FRMPD2: variants seen among roughly 807,000 people sequenced by gnomAD.
FRMPD2 encodes FERM and PDZ domain containing 2, also known as FERM and PDZ domain-containing protein 2.
FRMPD2 carries 96 observed loss-of-function variants against 140.1 expected under a neutral mutation model. The ratio of observed to expected loss-of-function variants is 0.69; its 90% CI spans 0.58 to 0.81. The LOEUF (loss-of-function observed/expected upper bound fraction) is 0.81. Among genes scored for constraint, FRMPD2 ranks in the 40% least tolerant of loss-of-function variants. FRMPD2 has a pLI of 0.00. For synonymous variants in FRMPD2, 449 were observed against 547.6 expected, an observed-to-expected ratio of 0.82 and a Z score of 2.52; for missense variants, 1,240 against 1,447.4, an observed-to-expected ratio of 0.86 and a Z score of 2.32.
chr10:48,188,250 C>A (rs1429289787), intron 16 of FRMPD2, among the ~76,000 whole-genome samples: 1 of 152,200 alleles, frequency 6.6e-6, no homozygotes, highest in African/African-American at 2.4e-5. Flanking sequence ...GGATCCACCC[C>A]CTGTACCCTT....
rs546651635 is a variant in FRMPD2, at chr10:48,219,012, G to A, written c.1455+3301C>T. Among the ~76,000 whole-genome samples, 15 of 152,260 alleles carry A rather than the reference G, an allele frequency of 9.9e-5. No homozygotes were observed. In the East Asian group the frequency reaches 2.3e-3, roughly 23 times the overall value. On this transcript the variant is annotated intron_variant, in intron 12 of 28. Coordinates refer to ENST00000374201, the MANE Select transcript of FRMPD2 (RefSeq NM_001018071.4). ...GCTGGCCAAAGGTATGGGAGGATGC[G>A]AAAAAGTATCCAGAGGGTCCACTTG...
intron 28 of FRMPD2, among the ~76,000 whole-genome samples, chr10:48,159,569 T>C (rs1837878511): frequency 1.3e-5 from 2 of 152,042 alleles, no homozygotes; most frequent in African/African-American, 4.8e-5. Flanking sequence ...GCCCCTGCAG[T>C]TGAGTGAGAT....
intron 28 of FRMPD2, among the ~76,000 whole-genome samples, chr10:48,159,494 C>A: frequency 6.6e-6 from 1 of 151,736 alleles, no homozygotes; most frequent in East Asian, 1.9e-4. Flanking sequence ...CAAGAGCAGG[C>A]ATGACATCTC....
chr10:48,186,492 A>G (rs1407199799), intron 17 of FRMPD2, among the ~76,000 whole-genome samples: 2 of 152,208 alleles, frequency 1.3e-5, no homozygotes, highest in Non-Finnish European at 2.9e-5. Flanking sequence ...TTCTCGTGAT[A>G]GTGAATAAGT....
chr10:48,171,626 G>A (rs1431403729), intron 25 of FRMPD2, among the ~76,000 whole-genome samples: 2 of 152,152 alleles, frequency 1.3e-5, no homozygotes, highest in Non-Finnish European at 2.9e-5. Flanking sequence ...TTCTTCTTAC[G>A]AACTAAGCTT....
intron 1 of FRMPD2, among the ~76,000 whole-genome samples, chr10:48,257,191 T>A (rs868044052): frequency 6.6e-6 from 1 of 152,014 alleles, no homozygotes; most frequent in Non-Finnish European, 1.5e-5. Context: ...TCTTTTTTTT[T>A]TTTTCTGCCT....
chr10:48,190,864 C>T (rs116354816), intron 16 of FRMPD2, among the ~76,000 whole-genome samples: 1,768 of 152,318 alleles, frequency 0.012, 29 homozygotes, highest in African/African-American at 0.038. Context: ...CCACCATTCT[C>T]AGAAAGGATG....
intron 8 of FRMPD2, 81 bp from the exon 9 acceptor site, chr10:48,236,634 T>G: frequency 7.8e-7 from 1 of 1,277,436 alleles, no homozygotes; most frequent in Non-Finnish European, 1.1e-6. Flanking sequence ...GATGCACCTC[T>G]GCAGCCCCCA....
rs758388371 is a variant in FRMPD2, at chr10:48,222,359, A to G, written c.1409T>C (p.Leu470Pro). 54 of 1,614,188 alleles carry G rather than the reference A, an allele frequency of 3.3e-5. No homozygotes were observed. Among genetic ancestry groups the G allele is most frequent in the Non-Finnish European group, 4.5e-5 (53 of 1,180,008 alleles). ...CTCAGCCTGCAAGGCAAGGACCCCC[A>G]GCTGCAGCAGTATCTCTTCATTGCA... Reference protein sequence around the residue: ...LYCNEEILLQLGVLALQAEFG... With the variant: ...LYCNEEILLQPGVLALQAEFG... The change falls in exon 12 of 29, where the codon CTG becomes CCG. Residue 470 changes from leucine to proline, a missense_variant. Physicochemically the swap from Leu to Pro is moderately conservative, Grantham distance 98. This residue lies in a region of FRMPD2 where 1,161 missense variants were observed against 1,055.9 expected (regional missense o/e 1.10). Coordinates refer to ENST00000374201, the MANE Select transcript of FRMPD2 (RefSeq NM_001018071.4).
In FRMPD2 at chr10:48,184,681, T is replaced by C. The variant is rs1212357816; in HGVS notation, c.2469A>G (p.Gly823=). The C allele has an allele frequency of 1.2e-6, 2 of 1,609,524 alleles. No homozygotes were observed. The highest frequency in any genetic ancestry group is 4.5e-5 in the East Asian group (2 of 44,842). ...PAEKAKTIKP[G]GQILALNHIS... ...TGTGATTCAGGGCTAGTATCTGCCC[T>C]CCTAGAAAAATAAAACATCTCAATA... Residue 823 remains glycine, a splice_region_variant and synonymous_variant, in exon 20 of 29, where the codon GGA becomes GGG. Transcript: ENST00000374201.
intron 28 of FRMPD2, among the ~76,000 whole-genome samples, chr10:48,160,030 A>G: frequency 6.6e-6 from 1 of 151,434 alleles, no homozygotes; most frequent in Admixed American, 6.6e-5. Flanking sequence ...TCCCACACCA[A>G]GGGGCAAATA....
At chr10:48,223,496 C>A (rs1839657184) in intron 10 of FRMPD2, among the ~76,000 whole-genome samples, 1 of 152,160 alleles carries the variant, frequency 6.6e-6, no homozygotes, top group South Asian at 2.1e-4. Flanking sequence ...AAACTCAACA[C>A]CAAGAGGAGA....
chr10:48,221,370 A>G (rs1405639580), intron 12 of FRMPD2, among the ~76,000 whole-genome samples: 1 of 152,202 alleles, frequency 6.6e-6, no homozygotes, highest in Admixed American at 6.5e-5. Context: ...CTCACTCATA[A>G]GTGCGAGCTA....
At chr10:48,244,504 T>A (rs1049303056) in intron 4 of FRMPD2, among the ~76,000 whole-genome samples, 3 of 152,232 alleles carry the variant, frequency 2.0e-5, no homozygotes, top group Non-Finnish European at 4.4e-5. Flanking sequence ...ATTCTCTAGC[T>A]TGCTATTAAT....
chr10:48,227,597 G>T (rs778744774), intron 10 of FRMPD2, among the ~76,000 whole-genome samples: 29 of 152,244 alleles, frequency 1.9e-4, no homozygotes, highest in African/African-American at 6.7e-4. Flanking sequence ...GAAGCCTCTC[G>T]TATCCATGGT....
Position 48,239,649 on chromosome 10 carries a change from A to G in FRMPD2, c.744T>C (p.His248=), listed in dbSNP as rs144936180. The change falls in exon 7 of 29, where the codon CAT becomes CAC. Residue 248 remains histidine, a synonymous_variant. Coordinates refer to ENST00000374201, the MANE Select transcript of FRMPD2 (RefSeq NM_001018071.4). ...AGTGACTGTGTGTCAAGGTGCTCCA[A>G]TGGGGCTCTGGTGAGCTCTGGGTCT... ...STETQSSPEP[H]WSTLTHSHCS... The G allele has an allele frequency of 1.3e-5, 21 of 1,614,016 alleles. 1 individual carries two copies. The highest frequency in any genetic ancestry group is 9.3e-5 in the African/African-American group (7 of 74,934).
At position 48,214,085 on chromosome 10, in the gene FRMPD2, C is replaced by T. The variant is rs111734255; in HGVS notation, c.1456-1976G>A. ...GAAAAGATCTGCTGGGACTCTAAGA[C>T]TTGTTTTACCTCCCACTGTCACTTA... On this transcript the variant is annotated intron_variant, in intron 12 of 28. Coordinates refer to ENST00000374201, the MANE Select transcript of FRMPD2 (RefSeq NM_001018071.4). 7.7e-3 allele frequency among the ~76,000 whole-genome samples: 1,170 copies of T among 152,322 alleles called. 17 individuals carry two copies. The highest frequency in any genetic ancestry group is 0.026 in the African/African-American group (1,071 of 41,564).
chr10:48,183,972 G>T (rs967622369), intron 20 of FRMPD2, among the ~76,000 whole-genome samples: 1 of 152,060 alleles, frequency 6.6e-6, no homozygotes, highest in African/African-American at 2.4e-5. Flanking sequence ...GAGGGAGGAG[G>T]ATGGGAGGAG....
intron 10 of FRMPD2, among the ~76,000 whole-genome samples, chr10:48,227,640 C>A (rs1311033455): frequency 1.3e-5 from 2 of 152,104 alleles, no homozygotes; most frequent in Non-Finnish European, 2.9e-5. Flanking sequence ...CTTTGAGTCA[C>A]AATTGAAGTG....
Sources: allele counts gnomAD v4.1 joint callset (sites outside exome capture counted in the v4.1 genomes callset), GRCh38; gene constraint gnomAD v4.1.1; regional missense constraint gnomAD v4.1.1; transcripts MANE v1.5; gene names NCBI Gene and HGNC (gene_info 2026-07-23, HGNC 2026-07-21).